The following MEI4 variants were observed in gnomAD, a reference collection of about 807,000 sequenced individuals.
MEI4 encodes meiosis-specific protein MEI4.
A neutral mutation model predicts 31.4 loss-of-function variants in MEI4; 27 were observed. The ratio of observed to expected loss-of-function variants is 0.86; its 90% CI spans 0.63 to 1.19. The LOEUF (loss-of-function observed/expected upper bound fraction) is 1.19, where lower values mean the gene tolerates loss of function less well. Ranked by LOEUF, MEI4 falls within the 50% of genes most tolerant of loss-of-function variation. MEI4 has a pLI of 0.00. For missense variants in MEI4, 329 were observed against 398.9 expected (o/e 0.82, Z 1.49); for synonymous variants, 122 against 145.4 (o/e 0.84, Z 1.16).
At chr6:77,756,674 C>G (rs1767927584) in intron 2 of MEI4, among the ~76,000 whole-genome samples, 1 of 151,410 alleles carries the variant, frequency 6.6e-6, no homozygotes, top group Non-Finnish European at 1.5e-5. Flanking sequence ...TCTCTCCCCC[C>G]CGCCGCCTTC....
At chr6:77,737,074 G>A (rs536394577) in intron 2 of MEI4, among the ~76,000 whole-genome samples, 3 of 152,318 alleles carry the variant, frequency 2.0e-5, no homozygotes, top group Non-Finnish European at 2.9e-5. Flanking sequence ...GTAAGAAAAG[G>A]TGTGACAGCC....
At chr6:77,919,349 C>G (rs1766645540) in intron 4 of MEI4, among the ~76,000 whole-genome samples, 1 of 152,064 alleles carries the variant, frequency 6.6e-6, no homozygotes, top group Non-Finnish European at 1.5e-5. Flanking sequence ...GAATCTCACT[C>G]AAAACCGCTC....
At chr6:77,689,338 TTAAC>T (rs1244594047) in intron 1 of MEI4, among the ~76,000 whole-genome samples, 5 of 152,080 alleles carry the variant, frequency 3.3e-5, no homozygotes, top group East Asian at 1.9e-4. Flanking sequence ...TTTTATTAAT[TTAAC>T]TATTTGTCAG....
At chr6:77,922,782 C>A (rs148789554) in intron 4 of MEI4, among the ~76,000 whole-genome samples, 1 of 151,732 alleles carries the variant, frequency 6.6e-6, no homozygotes, top group East Asian at 1.9e-4. Flanking sequence ...TGACTCCTTG[C>A]CAAGTCACTG....
chr6:77,766,964 A>AT (rs1233703674), intron 3 of MEI4, among the ~76,000 whole-genome samples: 1 of 152,008 alleles, frequency 6.6e-6, no homozygotes, highest in Non-Finnish European at 1.5e-5. Flanking sequence ...TGTGTTTGAG[A>AT]TTTTTTATGT....
chr6:77,761,327 C>T lies in MEI4; in HGVS notation c.430C>T (p.Gln144Ter). The change falls in exon 3 of 5, where the codon CAA becomes TAA. Residue 144 changes from glutamine (Q) to a stop codon, truncating the protein, a stop_gained. Transcript: ENST00000684080. LOFTEE classifies it high-confidence loss of function. The stretch of plus-strand genomic sequence containing the variant: ...TGTGAAAAGACCTTGTGCTATCCTG[C>T]AAAATCCTTTGTCTTCTCACATGCA... ...PLVKRPCAIL[Q>*]NPLSSHMQFL... 2 of 1,232,582 alleles carry T rather than the reference C, an allele frequency of 1.6e-6. No homozygotes were observed. Among genetic ancestry groups the T allele is most frequent in the Non-Finnish European group, 1.0e-6 (1 of 988,042 alleles). 76.4% of individuals were successfully genotyped at this position (1,232,582 alleles called of 1,614,324 possible).
chr6:77,848,113 C>T (rs1443037619), intron 4 of MEI4, among the ~76,000 whole-genome samples: 2 of 152,030 alleles, frequency 1.3e-5, no homozygotes, highest in Non-Finnish European at 2.9e-5. Context: ...TTTAAAAGTA[C>T]TTATTGAAGA....
At chr6:77,745,030 G>T (rs1767547653) in intron 2 of MEI4, among the ~76,000 whole-genome samples, 1 of 152,162 alleles carries the variant, frequency 6.6e-6, no homozygotes, top group Admixed American at 6.6e-5. Context: ...AAATTGTAAA[G>T]ACCATTGAGG....
intron 1 of MEI4, 104 bp from the exon 2 acceptor site, chr6:77,690,554 A>G (rs1270658284): frequency 2.0e-6 from 1 of 492,618 alleles, no homozygotes; most frequent in East Asian, 3.5e-5. Flanking sequence ...GTCTTATTAT[A>G]AACTTATTAA....
rs529546825 is a variant in MEI4, at chr6:77,733,838, T to C, written c.233-27292T>C. 1.3e-3 allele frequency among the ~76,000 whole-genome samples: 201 copies of C among 152,056 alleles called. 3 individuals are homozygous for C. Among genetic ancestry groups the C allele is most frequent in the African/African-American group, 4.3e-3 (177 of 41,362 alleles). On this transcript the variant is annotated intron_variant, in intron 2 of 4. Transcript: ENST00000684080. ...TTCTGGTATGTTGTATGTTTGTTCTTATTGGTTTCAAAGAACATCTTTATT... is the reference window on the plus strand; with the variant it reads ...TTCTGGTATGTTGTATGTTTGTTCTCATTGGTTTCAAAGAACATCTTTATT...
intron 4 of MEI4, among the ~76,000 whole-genome samples, chr6:77,880,983 A>AT (rs947734425): frequency 3.3e-5 from 5 of 151,506 alleles, no homozygotes; most frequent in African/African-American, 4.8e-5. Flanking sequence ...TGATTAGTGT[A>AT]TTTTTTTTGG....
At chr6:77,750,317 C>G (rs1221105811) in intron 2 of MEI4, among the ~76,000 whole-genome samples, 1 of 152,154 alleles carries the variant, frequency 6.6e-6, no homozygotes, top group South Asian at 2.1e-4. Flanking sequence ...TTAAATGACA[C>G]AGACTGGCAA....
rs183551331 is a variant in MEI4 at position 77,740,413 on chromosome 6, G to C, written c.233-20717G>C. Among the ~76,000 whole-genome samples, 166 of 152,204 alleles carry C rather than the reference G, an allele frequency of 1.1e-3. 1 individual carries two copies. The highest frequency in any genetic ancestry group is 2.0e-3 in the Non-Finnish European group (135 of 67,990). ...TGTCTAATACTGTCAGTGGGGTGCT[G>C]AAGTCTCCCACTATTACTGCAATTG... On this transcript the variant is annotated intron_variant, in intron 2 of 4. Transcript: ENST00000684080.
rs546455075 is a variant in MEI4, at chr6:77,840,663, T to C, written c.900+11601T>C. On this transcript the variant is annotated intron_variant, in intron 4 of 4. Coordinates refer to ENST00000684080, the MANE Select transcript of MEI4 (RefSeq NM_001322247.2). Reference sequence around the variant, plus strand: ...TTTAGATTCATGGGGTACATGTGCATGTTTGTCACATGGGTATATTGCATA... The same window carrying C: ...TTTAGATTCATGGGGTACATGTGCACGTTTGTCACATGGGTATATTGCATA... Among the ~76,000 whole-genome samples the C allele has an allele frequency of 4.8e-4, 73 of 152,306 alleles. 1 individual carries two copies. The highest frequency in any genetic ancestry group is 1.7e-3 in the South Asian group (8 of 4,832).
intron 1 of MEI4, among the ~76,000 whole-genome samples, chr6:77,681,614 T>C (rs371753731): frequency 6.6e-6 from 1 of 152,360 alleles, no homozygotes; most frequent in African/African-American, 2.4e-5. Context: ...TGTGAAATTC[T>C]GCCAGAATCC....
intron 2 of MEI4, among the ~76,000 whole-genome samples, chr6:77,737,258 A>G (rs1767274290): frequency 6.6e-6 from 1 of 152,252 alleles, no homozygotes. Flanking sequence ...ATTTAGACAG[A>G]GTAATTAGGC....
chr6:77,761,782 CTT>C, intron 3 of MEI4, 117 bp downstream of exon 3: 1 of 617,012 alleles, frequency 1.6e-6, no homozygotes, highest in East Asian at 3.5e-5. Context: ...CTTATTGGGT[CTT>C]TTTCTGCAGC....
At chr6:77,803,262 A>G (rs1769323645) in intron 3 of MEI4, among the ~76,000 whole-genome samples, 2 of 152,144 alleles carry the variant, frequency 1.3e-5, no homozygotes, top group Admixed American at 6.5e-5. Flanking sequence ...AGTTGATCAA[A>G]TCGGCTACTG....
intron 3 of MEI4, among the ~76,000 whole-genome samples, chr6:77,764,962 T>C (rs1768132988): frequency 6.6e-6 from 1 of 152,162 alleles, no homozygotes; most frequent in African/African-American, 2.4e-5. Flanking sequence ...GCAAAAGTAG[T>C]AATAAGGACA....
Sources: gnomAD v4.1 joint callset for allele counts (sites outside exome capture counted in the v4.1 genomes callset) on GRCh38, gnomAD v4.1.1 for gene constraint, MANE v1.5 for transcripts, NCBI Gene and HGNC (gene_info 2026-07-23, HGNC 2026-07-21) for gene names.